NRG1: variants seen among roughly 807,000 people sequenced by gnomAD.
NRG1 encodes neuregulin 1.
Under a neutral mutation model 63.8 loss-of-function variants are expected in NRG1, and 18 were observed. That is an observed-to-expected ratio of 0.28 (90% CI 0.19 to 0.42). NRG1 has a LOEUF of 0.42. NRG1 is among the 10% of genes least tolerant of loss of function. NRG1 has a pLI of 1.00. For synonymous variants in NRG1, 302 were observed against 301.3 expected (o/e 1.00, Z -0.02); for missense variants, 762 against 814.7 (o/e 0.94, Z 0.79).
rs1189567302 is a variant in NRG1, at chr8:32,173,054, G to T, written c.38-422774G>T. Among the ~76,000 whole-genome samples, 6 of 152,112 alleles carry T rather than the reference G, an allele frequency of 3.9e-5. No individual in the cohort carries two copies. In the South Asian group the frequency reaches 1.2e-3, roughly 32 times the overall value. ...CATAATTGTCAGATTCACCAAAGTTGAAATGAAGGAAAAAATGTTAAGGGC... is the reference window on the plus strand; with the variant it reads ...CATAATTGTCAGATTCACCAAAGTTTAAATGAAGGAAAAAATGTTAAGGGC... On this transcript the variant is annotated intron_variant, in intron 1 of 10. Coordinates refer to the NRG1 transcript ENST00000519301.
At chr8:32,448,000 T>C (rs1460563198) in intron 1 of NRG1, among the ~76,000 whole-genome samples, 1 of 152,224 alleles carries the variant, frequency 6.6e-6, no homozygotes, top group Non-Finnish European at 1.5e-5. Context: ...ATCATTAACT[T>C]TAGTAGAACA....
At chr8:32,634,746 A>G (rs1174643362) in intron 5 of NRG1, among the ~76,000 whole-genome samples, 1 of 152,222 alleles carries the variant, frequency 6.6e-6, no homozygotes, top group African/African-American at 2.4e-5. Flanking sequence ...AACAAAAACA[A>G]TGATCTCTTA....
At chr8:32,566,820 G>A (rs1180614673) in intron 1 of NRG1, among the ~76,000 whole-genome samples, 3 of 150,604 alleles carry the variant, frequency 2.0e-5, no homozygotes, top group African/African-American at 7.3e-5. Context: ...GAGTACCTAA[G>A]TTAGGGATTT....
chr8:31,642,979 A>AGTGT (rs34942505), intron 1 of NRG1, among the ~76,000 whole-genome samples: 4,208 of 151,056 alleles, frequency 0.028, 209 homozygotes, highest in African/African-American at 0.092. Flanking sequence ...TGAGTGTAAA[A>AGTGT]GTGTGTGTGT....
intron 5 of NRG1, among the ~76,000 whole-genome samples, chr8:32,699,952 T>G (rs531076050): frequency 5.3e-5 from 8 of 152,314 alleles, no homozygotes; most frequent in Non-Finnish European, 7.4e-5. Flanking sequence ...CGTTATAAGA[T>G]TCACACTTCA....
At chr8:32,653,129 T>TTG (rs1554620118) in intron 5 of NRG1, among the ~76,000 whole-genome samples, 1 of 149,194 alleles carries the variant, frequency 6.7e-6, no homozygotes, top group Non-Finnish European at 1.5e-5. Flanking sequence ...TTTGGTTTTT[T>TTG]TTTGTTTGTT....
intron 1 of NRG1, among the ~76,000 whole-genome samples, chr8:31,988,282 C>T (rs149608767): frequency 3.9e-5 from 6 of 152,180 alleles, no homozygotes; most frequent in Non-Finnish European, 8.8e-5. Context: ...ACTTAATTTT[C>T]AGAGTTCGAC....
chr8:31,958,143 T>C (rs1804794166), intron 1 of NRG1, among the ~76,000 whole-genome samples: 1 of 152,038 alleles, frequency 6.6e-6, no homozygotes. Flanking sequence ...TGTGTGTTTG[T>C]ATCTCTAAGT....
At chr8:32,697,812 G>T (rs1813749308) in intron 5 of NRG1, among the ~76,000 whole-genome samples, 1 of 152,138 alleles carries the variant, frequency 6.6e-6, no homozygotes, top group Admixed American at 6.5e-5. Flanking sequence ...ACTTTTTATA[G>T]CATCTGGATT....
At chr8:32,535,937 C>T (rs1831920910) in intron 1 of NRG1, among the ~76,000 whole-genome samples, 1 of 152,168 alleles carries the variant, frequency 6.6e-6, no homozygotes, top group Non-Finnish European at 1.5e-5. Flanking sequence ...GAGATCATTA[C>T]CACACATTCC....
intron 1 of NRG1, among the ~76,000 whole-genome samples, chr8:31,662,094 G>A (rs1806046801): frequency 6.6e-6 from 1 of 152,202 alleles, no homozygotes; most frequent in African/African-American, 2.4e-5. Context: ...CCTTACTAGA[G>A]CAAAATGACT....
chr8:32,721,838 T>C (rs1389213891), intron 5 of NRG1: 4 of 1,377,282 alleles, frequency 2.9e-6, no homozygotes, highest in Non-Finnish European at 3.8e-6. Flanking sequence ...CACAGCTCTT[T>C]CTGCTCAGCT....
At chr8:31,909,677 A>G (rs1236659948) in intron 1 of NRG1, among the ~76,000 whole-genome samples, 1 of 152,132 alleles carries the variant, frequency 6.6e-6, no homozygotes, top group African/African-American at 2.4e-5. Flanking sequence ...GGCTGTTTCT[A>G]TAAACACTGA....
At chr8:32,335,009 T>C (rs1376844503) in intron 1 of NRG1, among the ~76,000 whole-genome samples, 2 of 152,148 alleles carry the variant, frequency 1.3e-5, no homozygotes, top group Non-Finnish European at 2.9e-5. Context: ...TTATTATTAC[T>C]GCTTCACAGA....
At chr8:32,667,706 C>CT (rs142804050) in intron 5 of NRG1, among the ~76,000 whole-genome samples, 2,133 of 152,116 alleles carry the variant, frequency 0.014, 49 homozygotes, top group African/African-American at 0.048. Flanking sequence ...TGTTTCTTCT[C>CT]TTTTTTTCAA....
intron 1 of NRG1, among the ~76,000 whole-genome samples, chr8:31,690,765 G>A (rs893414012): frequency 6.6e-6 from 1 of 152,174 alleles, no homozygotes; most frequent in African/African-American, 2.4e-5. Flanking sequence ...ATTGGAAGGA[G>A]GAAGTTGCCA....
chr8:32,356,825 T>C (rs1806497093), intron 1 of NRG1, among the ~76,000 whole-genome samples: 1 of 151,932 alleles, frequency 6.6e-6, no homozygotes, highest in Non-Finnish European at 1.5e-5. Context: ...CAGAATGCGT[T>C]CTAAAATGAA....
chr8:31,901,637 T>A (rs1446678894), intron 1 of NRG1, among the ~76,000 whole-genome samples: 2 of 152,206 alleles, frequency 1.3e-5, no homozygotes, highest in African/African-American at 4.8e-5. Flanking sequence ...ATTGTCTACA[T>A]AACTGCACAA....
intron 1 of NRG1, among the ~76,000 whole-genome samples, chr8:32,164,944 A>T (rs1274778382): frequency 6.6e-6 from 1 of 152,134 alleles, no homozygotes; most frequent in African/African-American, 2.4e-5. Flanking sequence ...GGGATCACTG[A>T]TACATTCTTA....
Sources: gnomAD v4.1 joint callset for allele counts (sites outside exome capture counted in the v4.1 genomes callset) on GRCh38, gnomAD v4.1.1 for gene constraint, MANE v1.5 for transcripts, NCBI Gene and HGNC (gene_info 2026-07-23, HGNC 2026-07-21) for gene names.